Variants in PHAF1 observed in about 807,000 individuals in gnomAD.
The protein encoded by PHAF1 is phagosome assembly factor 1.
PHAF1 carries 23 observed loss-of-function variants against 63.1 expected under a neutral mutation model. That is an observed-to-expected ratio of 0.36 (90% CI 0.26 to 0.52). The LOEUF is 0.52. Among genes scored for constraint, PHAF1 ranks in the 20% least tolerant of loss-of-function variants. The probability of loss-of-function intolerance (pLI) is 0.93; values close to 1 mark genes in which losing one functional copy is unlikely to be tolerated. For missense variants in PHAF1, 427 were observed against 517.2 expected (o/e 0.83, Z 1.69); for synonymous variants, 167 against 185.0 (o/e 0.90, Z 0.79).
At chr16:67,137,476 G>A (rs1188959626) in intron 8 of PHAF1, among the ~76,000 whole-genome samples, 6 of 151,948 alleles carry the variant, frequency 3.9e-5, no homozygotes, top group African/African-American at 1.2e-4. Context: ...GTGCCACCAC[G>A]CCAGGCTAAT....
chr16:67,141,474 C>T (rs1312287166), intron 10 of PHAF1, among the ~76,000 whole-genome samples: 1 of 152,224 alleles, frequency 6.6e-6, no homozygotes, highest in Non-Finnish European at 1.5e-5. Flanking sequence ...CCAATTTTTG[C>T]TTGCTCCCGC....
intron 15 of PHAF1, 80 bp downstream of exon 15, chr16:67,146,430 T>C (rs2030081617): frequency 9.1e-6 from 13 of 1,428,104 alleles, no homozygotes; most frequent in African/African-American, 2.8e-5. Context: ...TGGAGGGAAA[T>C]TGGGGAGGGC....
chr16:67,139,432 T>TC (rs1365933629), intron 8 of PHAF1, among the ~76,000 whole-genome samples: 2 of 135,502 alleles, frequency 1.5e-5, no homozygotes, highest in East Asian at 2.4e-4. Context: ...CACTGCAACC[T>TC]CTGCCTCCTG....
intron 3 of PHAF1, among the ~76,000 whole-genome samples, chr16:67,129,066 T>C (rs1963295578): frequency 6.6e-6 from 1 of 152,186 alleles, no homozygotes; most frequent in Non-Finnish European, 1.5e-5. Context: ...TGGCTGAAGG[T>C]AGAGGCTCTC....
intron 6 of PHAF1, among the ~76,000 whole-genome samples, chr16:67,133,779 C>CAAA (rs534311560): frequency 1.9e-5 from 2 of 103,138 alleles, no homozygotes; most frequent in African/African-American, 3.6e-5. Context: ...GACTCCGTCT[C>CAAA]AAAAAAAAAA....
chr16:67,131,188 T>TG lies in PHAF1; in HGVS notation c.232-98_232-97insG, dbSNP rs1186973618. 6 of 502,804 alleles carry TG rather than the reference T, an allele frequency of 1.2e-5. No homozygotes were observed. The South Asian group carries it at 2.1e-4, about 17-fold the overall frequency. 31.1% of individuals were successfully genotyped at this position (502,804 alleles called of 1,614,324 possible). A position where few individuals can be genotyped will look rare whatever the true frequency, so the allele number is the denominator to read the frequency against. Reference sequence around the variant, plus strand: ...AATTTCTATTGGTAATAGTTTTTTTTTTTTTTTTTTTTACTATTTATTCTA... The same window carrying TG: ...AATTTCTATTGGTAATAGTTTTTTTTGTTTTTTTTTTTTACTATTTATTCTA... On this transcript the variant is annotated intron_variant, in intron 3 of 15. Transcript: ENST00000219139.
intron 1 of PHAF1, among the ~76,000 whole-genome samples, chr16:67,115,982 G>A (rs1336210842): frequency 1.3e-5 from 2 of 152,106 alleles, no homozygotes; most frequent in African/African-American, 4.8e-5. Flanking sequence ...GCAAGACCCC[G>A]TCTCTTTGAA....
chr16:67,138,513 CTT>C, intron 8 of PHAF1, among the ~76,000 whole-genome samples: 1 of 145,540 alleles, frequency 6.9e-6, no homozygotes, highest in Admixed American at 6.9e-5. Flanking sequence ...TCTTGGCTTC[CTT>C]TTTTTTTTTG....
intron 8 of PHAF1, among the ~76,000 whole-genome samples, chr16:67,137,274 C>G (rs367852838): frequency 7.2e-5 from 11 of 152,260 alleles, no homozygotes; most frequent in African/African-American, 2.2e-4. Context: ...CAAGACAGAA[C>G]AACCACTTAA....
chr16:67,147,256 T>C lies in PHAF1; in HGVS notation c.*125T>C, dbSNP rs1309348051. The C allele has an allele frequency of 7.5e-6, 7 of 928,828 alleles. No individual in the cohort carries two copies. Among genetic ancestry groups the C allele is most frequent in the Admixed American group, 2.3e-5 (1 of 43,264 alleles). The allele number at this position is 928,828 out of a possible 1,614,324, so 57.5% of individuals were successfully genotyped here. A position where few individuals can be genotyped will look rare whatever the true frequency, so the allele number is the denominator to read the frequency against. Reference sequence around the variant, plus strand: ...CAGTGCTGAAGGGCTGTTGTGATGTTCTGAGGTTGGGCTCAGGCTGGGTGC... The same window carrying C: ...CAGTGCTGAAGGGCTGTTGTGATGTCCTGAGGTTGGGCTCAGGCTGGGTGC... On this transcript the variant is annotated 3_prime_UTR_variant, in exon 16 of 16. Transcript: ENST00000219139.
intron 4 of PHAF1, among the ~76,000 whole-genome samples, chr16:67,131,818 A>G (rs1963413960): frequency 6.6e-6 from 1 of 152,046 alleles, no homozygotes; most frequent in South Asian, 2.1e-4. Context: ...CGCCCCCATT[A>G]TGGCAAGGCA....
intron 10 of PHAF1, among the ~76,000 whole-genome samples, chr16:67,143,559 T>C (rs546022610): frequency 6.6e-6 from 1 of 152,334 alleles, no homozygotes; most frequent in South Asian, 2.1e-4. Flanking sequence ...TTTCCTCATC[T>C]GTAAAGAGGA....
intron 10 of PHAF1, among the ~76,000 whole-genome samples, 176 bp downstream of exon 10, chr16:67,140,770 G>T (rs986876678): frequency 2.6e-5 from 4 of 152,214 alleles, no homozygotes; most frequent in Non-Finnish European, 5.9e-5. Context: ...AGTAGACCTT[G>T]CCTGCAACCA....
rs762016680 is a variant in PHAF1, at chr16:67,132,621, G to C, written c.355+96G>C. ...CATCCCACCCCACTTCCTGGAGTCA[G>C]GCTCCCATAGGATTGTGGGGTTGGT... is the stretch of plus-strand genomic sequence containing the variant. On this transcript the variant is annotated intron_variant, in intron 5 of 15. Transcript: ENST00000219139. The C allele has an allele frequency of 1.2e-5, 16 of 1,378,580 alleles. No homozygotes were observed. In the East Asian group the frequency reaches 3.7e-4, roughly 31 times the overall value. 85.4% of individuals were successfully genotyped at this position (1,378,580 alleles called of 1,614,324 possible).
chr16:67,114,104 G>A (rs1567636617), intron 1 of PHAF1, among the ~76,000 whole-genome samples: 1 of 152,118 alleles, frequency 6.6e-6, no homozygotes, highest in East Asian at 1.9e-4. Flanking sequence ...AGATTTAAAG[G>A]GTCAGTGAAG....
chr16:67,134,378 G>C lies in PHAF1; in HGVS notation c.572G>C (p.Cys191Ser). 6.2e-7 allele frequency: 1 copy of C among 1,614,144 alleles called. No individual in the cohort carries two copies. Among genetic ancestry groups the C allele is most frequent in the South Asian group, 1.1e-5 (1 of 91,086 alleles). ...AGGGCTCCCATGATGCCTCTGAGCT[G>C]TTTCCTGGGCAATGTCTATGCTGAG... is the stretch of plus-strand genomic sequence containing the variant. ...DTKAPMMPLS[C>S]FLGNVYAESV... is the part of the protein sequence containing the mutation. Residue 191 changes from cysteine (C) to serine (S), a missense_variant, in exon 8 of 16, where the codon TGT becomes TCT. Cys to Ser is a moderately radical substitution (Grantham distance 112). Transcript: ENST00000219139.
intron 8 of PHAF1, among the ~76,000 whole-genome samples, chr16:67,137,814 A>T (rs1238334529): frequency 6.6e-6 from 1 of 152,174 alleles, no homozygotes; most frequent in Admixed American, 6.5e-5. Context: ...TGTACAGCAC[A>T]TTCCCAGCAG....
At chr16:67,146,921 T>C in intron 15 of PHAF1, 124 bp from the exon 16 acceptor site, 1 of 861,872 alleles carries the variant, frequency 1.2e-6, no homozygotes, top group East Asian at 2.4e-5. Flanking sequence ...CAGGGGAGGT[T>C]GAGGAGTCGG....
chr16:67,111,733 G>A (rs1962522308), intron 1 of PHAF1, among the ~76,000 whole-genome samples: 1 of 152,110 alleles, frequency 6.6e-6, no homozygotes, highest in African/African-American at 2.4e-5. Flanking sequence ...CAATTCTCTT[G>A]CCTCAGCCTC....
Sources: allele counts gnomAD v4.1 joint callset (sites outside exome capture counted in the v4.1 genomes callset), GRCh38; gene constraint gnomAD v4.1.1; transcripts MANE v1.5; gene names NCBI Gene and HGNC (gene_info 2026-07-23, HGNC 2026-07-21).